Variants in NAALADL2 observed in about 807,000 individuals in gnomAD.
The protein encoded by NAALADL2 is N-acetylated alpha-linked acidic dipeptidase like 2.
In NAALADL2, 76 loss-of-function variants were observed where a neutral mutation model predicts 87.2. That is an observed-to-expected ratio of 0.87 (90% CI 0.72 to 1.05). NAALADL2 has a LOEUF of 1.05. Ranked by LOEUF, NAALADL2 falls within the 50% of genes least tolerant of loss-of-function variation. NAALADL2 has a pLI of 0.00. For synonymous variants in NAALADL2, 354 were observed against 331.0 expected, an observed-to-expected ratio of 1.07 and a Z score of -0.75; for missense variants, 1,089 against 945.8, an observed-to-expected ratio of 1.15 and a Z score of -1.99.
Position 174,932,853 on chromosome 3 carries a change from C to T in NAALADL2, c.43+73403C>T, listed in dbSNP as rs546579554. Among the ~76,000 whole-genome samples, 8 of 152,282 alleles carry T rather than the reference C, an allele frequency of 5.3e-5. No homozygotes were observed. The East Asian group carries it at 9.7e-4, about 18-fold the overall frequency. ...GTAATAGAGTCTGGGCACGGTGGCT[C>T]ACACCTATAATCCCACCACTTTGGG... On this transcript the variant is annotated intron_variant, in intron 1 of 13. Coordinates refer to ENST00000454872, the MANE Select transcript of NAALADL2 (RefSeq NM_207015.3).
intron 10 of NAALADL2, among the ~76,000 whole-genome samples, chr3:175,609,804 T>C (rs948566124): frequency 2.0e-4 from 30 of 152,108 alleles, no homozygotes; most frequent in African/African-American, 6.3e-4. Flanking sequence ...CTAGTCACCT[T>C]TGTATTGTGA....
At chr3:175,584,564 C>A (rs76431844) in intron 10 of NAALADL2, among the ~76,000 whole-genome samples, 2,316 of 152,236 alleles carry the variant, frequency 0.015, 63 homozygotes, top group African/African-American at 0.051. Flanking sequence ...TGAGAAATGT[C>A]ATTAGGTGAT....
At chr3:174,607,610 G>A (rs897858981) in intron 2 of NAALADL2, among the ~76,000 whole-genome samples, 6 of 151,766 alleles carry the variant, frequency 4.0e-5, no homozygotes, top group African/African-American at 1.5e-4. Context: ...TCAACAAGAA[G>A]AGCTAACTAT....
At chr3:174,846,043 T>G (rs1724583595) in intron 3 of NAALADL2, among the ~76,000 whole-genome samples, 1 of 152,146 alleles carries the variant, frequency 6.6e-6, no homozygotes, top group South Asian at 2.1e-4. Context: ...TCCCAACAAC[T>G]TTCCACACTG....
At position 175,162,281 on chromosome 3, in the gene NAALADL2, C is replaced by T. The variant is rs533655929; in HGVS notation, c.545+64990C>T. The stretch of plus-strand genomic sequence containing the variant: ...CATGAGAACCCACATTTTATTTATC[C>T]ACAATGTTGTGTATACCTTCCCCCT... On this transcript the variant is annotated intron_variant, in intron 2 of 13. Coordinates refer to ENST00000454872, the MANE Select transcript of NAALADL2 (RefSeq NM_207015.3). 4.6e-5 allele frequency among the ~76,000 whole-genome samples: 7 copies of T among 152,142 alleles called. No homozygotes were observed. In the East Asian group the frequency reaches 1.2e-3, roughly 25 times the overall value.
chr3:174,765,617 C>T (rs1372827105), intron 3 of NAALADL2, among the ~76,000 whole-genome samples: 1 of 152,166 alleles, frequency 6.6e-6, no homozygotes, highest in Non-Finnish European at 1.5e-5. Flanking sequence ...TGCTTATCTT[C>T]AAGATCCTTA....
chr3:175,316,741 A>G (rs1759190898), intron 4 of NAALADL2, among the ~76,000 whole-genome samples: 1 of 152,050 alleles, frequency 6.6e-6, no homozygotes, highest in Non-Finnish European at 1.5e-5. Flanking sequence ...AGAGTAGCAT[A>G]TTTTTTCTGA....
At chr3:174,976,381 T>C (rs1023116630) in intron 1 of NAALADL2, among the ~76,000 whole-genome samples, 5 of 152,148 alleles carry the variant, frequency 3.3e-5, no homozygotes, top group African/African-American at 1.2e-4. Flanking sequence ...AAACAAGTAT[T>C]TGTTTTAGTA....
intron 1 of NAALADL2, among the ~76,000 whole-genome samples, chr3:174,501,527 G>C (rs528091351): frequency 1.1e-4 from 17 of 152,232 alleles, no homozygotes; most frequent in Admixed American, 3.9e-4. Context: ...TCTGGGTCTG[G>C]ATTTTTATTT....
chr3:175,320,549 G>A (rs2110391074), intron 4 of NAALADL2, among the ~76,000 whole-genome samples: 1 of 152,288 alleles, frequency 6.6e-6, no homozygotes, highest in Non-Finnish European at 1.5e-5. Context: ...GTTCAGGACA[G>A]TGGCTATTTT....
At chr3:175,406,821 T>C (rs1712475144) in intron 5 of NAALADL2, among the ~76,000 whole-genome samples, 1 of 152,136 alleles carries the variant, frequency 6.6e-6, no homozygotes. Context: ...CATTTTTTTT[T>C]CATTCTTTTG....
intron 2 of NAALADL2, among the ~76,000 whole-genome samples, chr3:174,668,866 G>A (rs981351106): frequency 2.6e-5 from 4 of 152,144 alleles, no homozygotes; most frequent in African/African-American, 9.7e-5. Context: ...ATTATGAATA[G>A]TGCCGCAATA....
intron 5 of NAALADL2, among the ~76,000 whole-genome samples, chr3:175,368,596 T>TGGTG (rs397838105): frequency 6.6e-6 from 1 of 151,574 alleles, no homozygotes; most frequent in East Asian, 1.9e-4. Context: ...TGTGTGTGTG[T>TGGTG]TTATAGCCAG....
chr3:175,471,657 C>CA lies in NAALADL2; in HGVS notation c.1553dup (p.Lys519GlufsTer8). ...ATTTCAGGATTTCAAGAAGGTTCTT[C>CA]AGAAAAATGTTGTGGCTTATATTAG... On this transcript the variant is annotated frameshift_variant, in exon 9 of 14. Transcript: ENST00000454872. LOFTEE classifies it high-confidence loss of function. 7 of 1,517,280 alleles carry CA rather than the reference C, an allele frequency of 4.6e-6. No homozygotes were observed. Among genetic ancestry groups the CA allele is most frequent in the Admixed American group, 1.7e-5 (1 of 57,274 alleles). The allele number at this position is 1,517,280 out of a possible 1,614,324, so 94.0% of individuals were successfully genotyped here.
intron 10 of NAALADL2, among the ~76,000 whole-genome samples, chr3:175,613,940 C>A (rs144469389): frequency 6.6e-6 from 1 of 152,162 alleles, no homozygotes; most frequent in African/African-American, 2.4e-5. Context: ...TATAGATATT[C>A]TCTTTGGGGA....
chr3:175,636,917 A>G (rs927418229), intron 11 of NAALADL2, among the ~76,000 whole-genome samples: 1 of 152,176 alleles, frequency 6.6e-6, no homozygotes. Flanking sequence ...TATTCTTGTC[A>G]ATGTCAGAAA....
intron 2 of NAALADL2, among the ~76,000 whole-genome samples, chr3:175,181,812 T>C (rs1010869803): frequency 2.7e-5 from 4 of 149,706 alleles, no homozygotes; most frequent in Non-Finnish European, 5.9e-5. Context: ...TATATGTATA[T>C]ATATATTCAC....
At chr3:175,665,867 G>A (rs974490947) in intron 11 of NAALADL2, among the ~76,000 whole-genome samples, 3 of 152,102 alleles carry the variant, frequency 2.0e-5, no homozygotes, top group South Asian at 4.2e-4. Context: ...GGAGGCGGAC[G>A]TTGCAGTGAG....
At chr3:174,524,973 A>G (rs566445631) in intron 1 of NAALADL2, among the ~76,000 whole-genome samples, 1 of 152,212 alleles carries the variant, frequency 6.6e-6, no homozygotes, top group South Asian at 2.1e-4. Context: ...ATTGCATTAC[A>G]GTTGCCTAGA....
Sources: allele counts gnomAD v4.1 joint callset (sites outside exome capture counted in the v4.1 genomes callset), GRCh38; gene constraint gnomAD v4.1.1; transcripts MANE v1.5; gene names NCBI Gene and HGNC (gene_info 2026-07-23, HGNC 2026-07-21).